Variants in ROBO1 observed in about 807,000 individuals in gnomAD.
ROBO1 encodes roundabout homolog 1.
ROBO1 carries 149 observed loss-of-function variants against 195.9 expected under a neutral mutation model. The ratio of observed to expected loss-of-function variants is 0.76; its 90% confidence interval spans 0.67 to 0.87. The LOEUF (loss-of-function observed/expected upper bound fraction) is 0.87, where lower values mean the gene tolerates loss of function less well. Among genes scored for constraint, ROBO1 ranks in the 40% least tolerant of loss-of-function variants. The pLI is 0.00. For missense variants in ROBO1, 1,933 were observed against 2,068.3 expected, an observed-to-expected ratio of 0.93 and a Z score of 1.27; for synonymous variants, 816 against 733.2, an observed-to-expected ratio of 1.11 and a Z score of -1.82.
At chr3:78,770,257 A>G (rs2083338476) in intron 4 of ROBO1, among the ~76,000 whole-genome samples, 1 of 152,076 alleles carries the variant, frequency 6.6e-6, no homozygotes, top group Non-Finnish European at 1.5e-5. Flanking sequence ...GACTTCTAGT[A>G]TTTCCTATTC....
chr3:78,864,647 G>A (rs1576311181), intron 4 of ROBO1, among the ~76,000 whole-genome samples: 1 of 151,726 alleles, frequency 6.6e-6, no homozygotes, highest in South Asian at 2.1e-4. Context: ...GTATCTAATG[G>A]TAATATCATG....
intron 19 of ROBO1, among the ~76,000 whole-genome samples, chr3:78,649,578 A>G (rs1250292605): frequency 6.6e-6 from 1 of 152,174 alleles, no homozygotes; most frequent in African/African-American, 2.4e-5. Context: ...TATTCTTTAA[A>G]ATATTTCACT....
chr3:79,058,370 T>C (rs998342430), intron 3 of ROBO1, among the ~76,000 whole-genome samples: 2 of 152,028 alleles, frequency 1.3e-5, no homozygotes, highest in Non-Finnish European at 2.9e-5. Context: ...AGTCTTTCCC[T>C]TAAAATGGGA....
At chr3:79,315,735 G>C (rs984173930) in intron 2 of ROBO1, among the ~76,000 whole-genome samples, 1 of 152,186 alleles carries the variant, frequency 6.6e-6, no homozygotes, top group African/African-American at 2.4e-5. Flanking sequence ...TAGATAGTTA[G>C]ATATAATAAT....
chr3:78,672,873 A>G (rs1458924993), intron 10 of ROBO1, among the ~76,000 whole-genome samples: 1 of 152,180 alleles, frequency 6.6e-6, no homozygotes, highest in Non-Finnish European at 1.5e-5. Context: ...AATGTTTAAC[A>G]AAGTGATTAA....
chr3:79,595,213 AT>A (rs1363721437), intron 1 of ROBO1, among the ~76,000 whole-genome samples: 4 of 151,952 alleles, frequency 2.6e-5, no homozygotes, highest in African/African-American at 7.2e-5. Flanking sequence ...TAGGAGGGTG[AT>A]TTTCTCAAAG....
chr3:79,731,020 G>A (rs573979431), intron 1 of ROBO1, among the ~76,000 whole-genome samples: 5 of 151,886 alleles, frequency 3.3e-5, no homozygotes, highest in African/African-American at 7.3e-5. Flanking sequence ...CTCGTGATCC[G>A]TGTTTCCTAT....
chr3:79,308,280 C>T (rs1452327702), intron 2 of ROBO1, among the ~76,000 whole-genome samples: 1 of 152,062 alleles, frequency 6.6e-6, no homozygotes, highest in Non-Finnish European at 1.5e-5. Context: ...TAAATAAAAG[C>T]TAACAAATCA....
chr3:79,610,804 G>A lies in ROBO1; in HGVS notation c.-50-20843C>T, dbSNP rs552612220. Among the ~76,000 whole-genome samples, 8 of 152,130 alleles carry A rather than the reference G, an allele frequency of 5.3e-5. No homozygotes were observed. In the South Asian group the frequency reaches 1.7e-3, roughly 32 times the overall value. On this transcript the variant is annotated intron_variant, in intron 1 of 30. Transcript: ENST00000464233. ...ACCATGTTAGTTCTTTACATCCAAA[G>A]CAGTGTTAAATGATTATGCTTCAAG...
At chr3:78,784,632 A>G (rs1003748149) in intron 4 of ROBO1, among the ~76,000 whole-genome samples, 2 of 152,216 alleles carry the variant, frequency 1.3e-5, no homozygotes, top group African/African-American at 4.8e-5. Context: ...AAGGAATGTT[A>G]GAGTTCTTAT....
chr3:79,606,097 T>G (rs1334436235), intron 1 of ROBO1, among the ~76,000 whole-genome samples: 1 of 151,820 alleles, frequency 6.6e-6, no homozygotes, highest in East Asian at 1.9e-4. Flanking sequence ...CCTTTGTTTT[T>G]ATGTCAATAA....
At chr3:79,636,762 T>C (rs1945507904) in intron 1 of ROBO1, among the ~76,000 whole-genome samples, 1 of 152,216 alleles carries the variant, frequency 6.6e-6, no homozygotes. Context: ...ATCTCTGGCT[T>C]CAAAAGAAGA....
intron 4 of ROBO1, among the ~76,000 whole-genome samples, chr3:78,770,507 T>TATATATATATATATATA (rs2083345715): frequency 2.6e-5 from 4 of 152,344 alleles, no homozygotes; most frequent in Admixed American, 2.6e-4. Flanking sequence ...GTTAAGCTCC[T>TATATATATATATATATA]TATAGATTCT....
chr3:79,561,726 G>A (rs979734552), intron 2 of ROBO1, among the ~76,000 whole-genome samples: 1 of 152,110 alleles, frequency 6.6e-6, no homozygotes. Context: ...AAATGATAGA[G>A]GAGTTAAGCA....
chr3:78,783,757 C>T (rs879799438), intron 4 of ROBO1, among the ~76,000 whole-genome samples: 6 of 152,150 alleles, frequency 3.9e-5, no homozygotes, highest in African/African-American at 7.2e-5. Flanking sequence ...GTATAAATCA[C>T]ATCTCCCAAG....
chr3:79,038,374 A>G (rs1371326545), intron 3 of ROBO1, among the ~76,000 whole-genome samples: 1 of 152,164 alleles, frequency 6.6e-6, no homozygotes, highest in East Asian at 1.9e-4. Context: ...TTGTCCATCT[A>G]TGATTTGGTC....
intron 2 of ROBO1, among the ~76,000 whole-genome samples, chr3:79,328,768 C>A (rs994306589): frequency 1.3e-5 from 2 of 151,986 alleles, no homozygotes; most frequent in Non-Finnish European, 2.9e-5. Flanking sequence ...TTTTATCCCT[C>A]ACCCTCTCCC....
At chr3:79,732,882 G>A (rs1167095231) in intron 1 of ROBO1, among the ~76,000 whole-genome samples, 1 of 151,912 alleles carries the variant, frequency 6.6e-6, no homozygotes, top group Non-Finnish European at 1.5e-5. Flanking sequence ...ATGTTTTAAA[G>A]TGCAATATGT....
chr3:79,155,328 A>G (rs1264240570), intron 2 of ROBO1, among the ~76,000 whole-genome samples: 2 of 151,824 alleles, frequency 1.3e-5, no homozygotes, highest in African/African-American at 4.8e-5. Flanking sequence ...GAAGTAAAGT[A>G]ATTGTCCTTG....
Sources: allele counts gnomAD v4.1 joint callset (sites outside exome capture counted in the v4.1 genomes callset), GRCh38; gene constraint gnomAD v4.1.1; transcripts MANE v1.5; gene names NCBI Gene and HGNC (gene_info 2026-07-23, HGNC 2026-07-21).